Variants in DNM3 observed in about 807,000 individuals in gnomAD.
The protein encoded by DNM3 is dynamin-3.
Under a neutral mutation model 101.6 loss-of-function variants are expected in DNM3, and 47 were observed. The ratio of observed to expected loss-of-function variants is 0.46; its 90% CI spans 0.37 to 0.59. The LOEUF is 0.59. Among genes scored for constraint, DNM3 ranks in the 20% least tolerant of loss-of-function variants. The probability of loss-of-function intolerance (pLI) is 0.00; values close to 1 mark genes in which losing one functional copy is unlikely to be tolerated. For missense variants in DNM3, 849 were observed against 1,085.7 expected, an observed-to-expected ratio of 0.78 and a Z score of 3.06; for synonymous variants, 385 against 387.9, an observed-to-expected ratio of 0.99 and a Z score of 0.09.
At chr1:172,003,602 A>T (rs1325498851) in intron 4 of DNM3, among the ~76,000 whole-genome samples, 2 of 149,766 alleles carry the variant, frequency 1.3e-5, no homozygotes, top group Non-Finnish European at 3.0e-5. Context: ...GCTCTCCAAC[A>T]TTTCTTGAGT....
At chr1:172,370,778 T>C (rs1004635697) in intron 17 of DNM3, among the ~76,000 whole-genome samples, 1 of 151,998 alleles carries the variant, frequency 6.6e-6, no homozygotes, top group African/African-American at 2.4e-5. Context: ...CCATATCATT[T>C]ATTTCTCCCT....
At chr1:172,053,421 C>T (rs900191222) in intron 10 of DNM3, among the ~76,000 whole-genome samples, 3 of 152,064 alleles carry the variant, frequency 2.0e-5, no homozygotes, top group African/African-American at 7.2e-5. Flanking sequence ...CTCCCAACTC[C>T]CTTTTTAGTG....
rs1289449970 is a variant in DNM3 at position 172,388,465 on chromosome 1, T to C, written c.2286-108T>C. On this transcript the variant is annotated intron_variant, in intron 19 of 20. Coordinates refer to ENST00000627582, the MANE Select transcript of DNM3 (RefSeq NM_015569.5). ...ACTTTCATGACATGAATTGGACTTATTCAGTCAAAAAATAATTTTTAAAAA... is the reference window on the plus strand; with the variant it reads ...ACTTTCATGACATGAATTGGACTTACTCAGTCAAAAAATAATTTTTAAAAA... 1.5e-5 allele frequency: 15 copies of C among 976,464 alleles called. No individual in the cohort carries two copies. The Admixed American group carries it at 2.7e-4, about 17-fold the overall frequency. The allele number at this position is 976,464 out of a possible 1,614,324, so 60.5% of individuals were successfully genotyped here.
chr1:172,101,764 A>T lies in DNM3; in HGVS notation c.1545+8889A>T, dbSNP rs568175883. On this transcript the variant is annotated intron_variant, in intron 13 of 20. Transcript: ENST00000627582. ...ACCACAGTTCTAATCACTGTGTTTA[A>T]CCACAGTTCTAATAGTTTGTAAATT... Among the ~76,000 whole-genome samples the T allele has an allele frequency of 3.3e-5, 5 of 152,296 alleles. No individual in the cohort carries two copies. In the South Asian group the frequency reaches 6.2e-4, roughly 19 times the overall value.
intron 15 of DNM3, among the ~76,000 whole-genome samples, chr1:172,303,313 G>A (rs576748930): frequency 4.6e-5 from 7 of 152,252 alleles, no homozygotes; most frequent in East Asian, 1.9e-4. Flanking sequence ...GAAATAAAGC[G>A]AGAAGAGAAC....
intron 10 of DNM3, among the ~76,000 whole-genome samples, chr1:172,055,017 G>A (rs940822243): frequency 2.3e-5 from 3 of 128,516 alleles, no homozygotes; most frequent in Non-Finnish European, 4.6e-5. Flanking sequence ...CCATTAAGAA[G>A]TGCTGTTAGA....
At chr1:172,201,952 A>G (rs2060169796) in intron 14 of DNM3, among the ~76,000 whole-genome samples, 1 of 152,138 alleles carries the variant, frequency 6.6e-6, no homozygotes, top group African/African-American at 2.4e-5. Context: ...ACCTGGGGGT[A>G]TCACCAGTGA....
chr1:172,105,954 A>G (rs2054982813), intron 13 of DNM3, among the ~76,000 whole-genome samples: 1 of 152,164 alleles, frequency 6.6e-6, no homozygotes, highest in South Asian at 2.1e-4. Flanking sequence ...AGTTTTAAAA[A>G]TTCAATTATA....
intron 14 of DNM3, among the ~76,000 whole-genome samples, chr1:172,217,901 G>T (rs1297560415): frequency 6.6e-6 from 1 of 152,128 alleles, no homozygotes; most frequent in African/African-American, 2.4e-5. Flanking sequence ...ATGGTTAACA[G>T]CTGTGTCTTT....
At chr1:171,848,004 C>T (rs1038836005) in intron 1 of DNM3, among the ~76,000 whole-genome samples, 10 of 148,954 alleles carry the variant, frequency 6.7e-5, no homozygotes, top group Non-Finnish European at 1.3e-4. Context: ...TTATAAGAAG[C>T]TTTTCTCTGG....
intron 2 of DNM3, among the ~76,000 whole-genome samples, chr1:171,957,359 G>C (rs560292899): frequency 6.6e-6 from 1 of 151,666 alleles, no homozygotes; most frequent in South Asian, 2.1e-4. Flanking sequence ...CACCACACTC[G>C]GCTAATTTTT....
chr1:172,075,800 CT>C (rs2052602115), intron 11 of DNM3, among the ~76,000 whole-genome samples: 2 of 152,092 alleles, frequency 1.3e-5, no homozygotes, highest in Non-Finnish European at 2.9e-5. Context: ...TATATGGGCT[CT>C]TTTTTGGTTT....
chr1:172,060,360 T>C (rs1446034262), intron 10 of DNM3, among the ~76,000 whole-genome samples: 1 of 88,174 alleles, frequency 1.1e-5, no homozygotes, highest in Non-Finnish European at 2.2e-5. Context: ...AAAGTTCATA[T>C]GGAACCAAAA....
chr1:171,990,861 A>C (rs577472543), intron 4 of DNM3, among the ~76,000 whole-genome samples: 5 of 152,230 alleles, frequency 3.3e-5, no homozygotes, highest in African/African-American at 1.2e-4. Flanking sequence ...ACAAGTAAGG[A>C]CCATCACCAG....
chr1:171,975,696 A>G (rs997436985), intron 2 of DNM3, among the ~76,000 whole-genome samples: 1 of 152,268 alleles, frequency 6.6e-6, no homozygotes, highest in Admixed American at 6.5e-5. Context: ...GATTCAAAAG[A>G]TAGATTGTTT....
chr1:172,308,664 A>G, intron 15 of DNM3, 64 bp from the exon 16 acceptor site: 1 of 789,924 alleles, frequency 1.3e-6, no homozygotes, highest in Non-Finnish European at 1.9e-6. Context: ...CGTCTACAGC[A>G]ACATAAAATG....
chr1:172,346,015 C>T (rs1198756777), intron 17 of DNM3, among the ~76,000 whole-genome samples: 1 of 150,512 alleles, frequency 6.6e-6, no homozygotes, highest in African/African-American at 2.4e-5. Flanking sequence ...CCCAGTTACT[C>T]AGGAGGCTGA....
chr1:172,301,974 A>G (rs747157182), intron 15 of DNM3, among the ~76,000 whole-genome samples: 24 of 152,178 alleles, frequency 1.6e-4, no homozygotes, highest in Non-Finnish European at 3.1e-4. Context: ...TACTCAGAAG[A>G]TGGGTGATTT....
intron 1 of DNM3, among the ~76,000 whole-genome samples, chr1:171,854,464 G>A (rs1198226769): frequency 2.6e-5 from 4 of 152,132 alleles, no homozygotes; most frequent in Non-Finnish European, 4.4e-5. Flanking sequence ...GAGGTGCAGT[G>A]TTCTGGATGA....
Sources: allele counts gnomAD v4.1 joint callset (sites outside exome capture counted in the v4.1 genomes callset), GRCh38; gene constraint gnomAD v4.1.1; transcripts MANE v1.5; gene names NCBI Gene and HGNC (gene_info 2026-07-23, HGNC 2026-07-21).